Variants in NRXN3 observed in about 807,000 individuals in gnomAD.
The protein encoded by NRXN3 is neurexin 3.
A neutral mutation model predicts 137.6 loss-of-function variants in NRXN3; 32 were observed. That is an observed-to-expected ratio of 0.23 (90% CI 0.18 to 0.31). The LOEUF is 0.31. Ranked by LOEUF, NRXN3 falls within the 10% of genes least tolerant of loss-of-function variation. NRXN3 has a pLI of 1.00. For missense variants in NRXN3, 1,574 were observed against 2,062.5 expected, an observed-to-expected ratio of 0.76 and a Z score of 4.59; for synonymous variants, 798 against 784.5, an observed-to-expected ratio of 1.02 and a Z score of -0.29.
intron 20 of NRXN3, among the ~76,000 whole-genome samples, chr14:79,816,634 G>T (rs1027973207): frequency 6.6e-6 from 1 of 152,130 alleles, no homozygotes; most frequent in Non-Finnish European, 1.5e-5. Context: ...GACTATCCCA[G>T]ATACATTTTC....
At chr14:78,539,842 T>C (rs1274068984) in intron 4 of NRXN3, among the ~76,000 whole-genome samples, 1 of 152,242 alleles carries the variant, frequency 6.6e-6, no homozygotes, top group African/African-American at 2.4e-5. Context: ...ACATCTTTAT[T>C]TCTGCCTTCA....
At chr14:79,236,581 T>C (rs762656492) in intron 15 of NRXN3, among the ~76,000 whole-genome samples, 1 of 151,932 alleles carries the variant, frequency 6.6e-6, no homozygotes, top group Non-Finnish European at 1.5e-5. Context: ...GGTAGAAAAA[T>C]ATATATTTTT....
chr14:79,806,779 C>T lies in NRXN3; in HGVS notation c.4093+1589C>T, dbSNP rs893475829. Reference sequence around the variant, plus strand: ...AGAATAGTTTTGCTATCTAACTCCTCGCGTAATTCAATTCAACAGATATTT... The same window carrying T: ...AGAATAGTTTTGCTATCTAACTCCTTGCGTAATTCAATTCAACAGATATTT... On this transcript the variant is annotated intron_variant, in intron 20 of 20. Transcript: ENST00000335750. 6.7e-5 allele frequency among the ~76,000 whole-genome samples: 10 copies of T among 148,742 alleles called. No individual in the cohort carries two copies. In the South Asian group the frequency reaches 1.1e-3, roughly 16 times the overall value.
intron 15 of NRXN3, among the ~76,000 whole-genome samples, chr14:79,250,005 A>ATCAG (rs2075720030): frequency 6.6e-6 from 1 of 152,244 alleles, no homozygotes; most frequent in African/African-American, 2.4e-5. Flanking sequence ...CTAATAACCA[A>ATCAG]TCAGTATACA....
chr14:78,954,610 G>C (rs1393797944), intron 10 of NRXN3, among the ~76,000 whole-genome samples: 12 of 151,788 alleles, frequency 7.9e-5, no homozygotes, highest in Non-Finnish European at 1.6e-4. Context: ...GACTACAGGC[G>C]CCTGCCACCA....
intron 12 of NRXN3, 78 bp from the exon 13 acceptor site, chr14:78,967,130 A>G: frequency 1.6e-6 from 2 of 1,229,422 alleles, no homozygotes; most frequent in South Asian, 1.6e-5. Context: ...GAAGCCCACT[A>G]TGTCAGTTAC....
intron 16 of NRXN3, among the ~76,000 whole-genome samples, chr14:79,535,929 G>T (rs1269076659): frequency 1.3e-5 from 2 of 152,184 alleles, no homozygotes; most frequent in Non-Finnish European, 2.9e-5. Flanking sequence ...TCAGTTACGT[G>T]TTGGAGTGCT....
At chr14:79,224,416 C>A (rs531978865) in intron 15 of NRXN3, among the ~76,000 whole-genome samples, 1 of 151,930 alleles carries the variant, frequency 6.6e-6, no homozygotes. Flanking sequence ...AATTATAATA[C>A]GATAATATAG....
intron 4 of NRXN3, among the ~76,000 whole-genome samples, chr14:78,452,723 C>T (rs908800200): frequency 2.6e-5 from 4 of 152,100 alleles, no homozygotes; most frequent in Admixed American, 2.0e-4. Flanking sequence ...AATTTGGGTG[C>T]CCACCCCAGC....
chr14:79,755,197 G>A (rs567331980), intron 19 of NRXN3, among the ~76,000 whole-genome samples: 3 of 152,022 alleles, frequency 2.0e-5, no homozygotes, highest in Non-Finnish European at 2.9e-5. Context: ...ATCCTCTCAC[G>A]TACTTTAAAT....
intron 15 of NRXN3, among the ~76,000 whole-genome samples, chr14:79,175,396 C>T (rs2062228785): frequency 6.6e-6 from 1 of 152,114 alleles, no homozygotes; most frequent in South Asian, 2.1e-4. Context: ...GGAGCTGTTC[C>T]TGATTAGATG....
At chr14:79,498,096 T>C (rs1303648497) in intron 16 of NRXN3, among the ~76,000 whole-genome samples, 3 of 152,078 alleles carry the variant, frequency 2.0e-5, no homozygotes, top group Non-Finnish European at 4.4e-5. Context: ...GTGTTTAAAA[T>C]AGTTATATCT....
At chr14:78,462,576 T>C (rs1214419982) in intron 4 of NRXN3, among the ~76,000 whole-genome samples, 1 of 152,204 alleles carries the variant, frequency 6.6e-6, no homozygotes. Flanking sequence ...CAGCTCCCCT[T>C]ATCAGACATC....
rs1023051752 is a variant in NRXN3, at chr14:79,332,907, A to G, written c.3263-134314A>G. Among the ~76,000 whole-genome samples, 3 of 152,156 alleles carry G rather than the reference A, an allele frequency of 2.0e-5. No individual in the cohort carries two copies. In the East Asian group the frequency reaches 5.8e-4, roughly 29 times the overall value. ...ACTAAGTGGGGTGCCTTTCTGATACATTGTAATGACCACCCTTTTCTCTGT... is the reference window on the plus strand; with the variant it reads ...ACTAAGTGGGGTGCCTTTCTGATACGTTGTAATGACCACCCTTTTCTCTGT... On this transcript the variant is annotated intron_variant, in intron 15 of 20. Coordinates refer to ENST00000335750, the MANE Select transcript of NRXN3 (RefSeq NM_001330195.2).
At chr14:79,170,682 C>G (rs970540562) in intron 15 of NRXN3, among the ~76,000 whole-genome samples, 1 of 152,108 alleles carries the variant, frequency 6.6e-6, no homozygotes, top group South Asian at 2.1e-4. Context: ...TTTCCCTGCT[C>G]TAGACTTCTC....
intron 15 of NRXN3, among the ~76,000 whole-genome samples, chr14:79,057,811 G>A (rs921233302): frequency 2.0e-5 from 3 of 152,118 alleles, no homozygotes; most frequent in African/African-American, 7.2e-5. Flanking sequence ...TGCTCCTTGG[G>A]CAAGTTTGGC....
intron 4 of NRXN3, among the ~76,000 whole-genome samples, chr14:78,473,430 T>G (rs530443048): frequency 6.6e-6 from 1 of 151,880 alleles, no homozygotes; most frequent in East Asian, 1.9e-4. Flanking sequence ...GAAAAACCTT[T>G]CTTTTGTGAA....
chr14:78,398,275 A>G (rs2091710316), intron 4 of NRXN3, among the ~76,000 whole-genome samples: 1 of 151,146 alleles, frequency 6.6e-6, no homozygotes, highest in Non-Finnish European at 1.5e-5. Flanking sequence ...TACTATTGGC[A>G]TCTATTGATT....
chr14:79,785,088 T>C (rs535468685), intron 19 of NRXN3, among the ~76,000 whole-genome samples: 13 of 152,294 alleles, frequency 8.5e-5, no homozygotes, highest in African/African-American at 2.9e-4. Context: ...ATCTCTGAAG[T>C]GTATGCAGTA....
Sources: allele counts gnomAD v4.1 joint callset (sites outside exome capture counted in the v4.1 genomes callset), GRCh38; gene constraint gnomAD v4.1.1; transcripts MANE v1.5; gene names NCBI Gene and HGNC (gene_info 2026-07-23, HGNC 2026-07-21).